EYS: variants seen among roughly 807,000 people sequenced by gnomAD.
EYS encodes the protein protein eyes shut homolog.
A neutral mutation model predicts 282.1 loss-of-function variants in EYS; 250 were observed. The ratio of observed to expected loss-of-function variants is 0.89; its 90% CI spans 0.80 to 0.98. EYS has a LOEUF of 0.98. EYS is among the 50% of genes least tolerant of loss of function. The pLI is 0.00. For synonymous variants in EYS, 1,355 were observed against 1,282.9 expected (o/e 1.06, Z -1.20); for missense variants, 4,016 against 3,709.0 (o/e 1.08, Z -2.15).
intron 22 of EYS, among the ~76,000 whole-genome samples, chr6:64,805,309 G>T (rs889529113): frequency 6.6e-6 from 1 of 151,884 alleles, no homozygotes; most frequent in African/African-American, 2.4e-5. Context: ...AACACTATTT[G>T]TGTTTGATAG....
chr6:64,143,433 G>A (rs865878645), intron 31 of EYS, among the ~76,000 whole-genome samples: 45 of 151,066 alleles, frequency 3.0e-4, no homozygotes, highest in African/African-American at 1.0e-3. Context: ...TGCATATGGA[G>A]GAATAAGAAG....
chr6:64,659,895 C>T (rs1278876305), intron 22 of EYS, among the ~76,000 whole-genome samples: 1 of 152,186 alleles, frequency 6.6e-6, no homozygotes, highest in African/African-American at 2.4e-5. Context: ...ATGAGGCCAG[C>T]ATCATCCTGA....
At chr6:65,068,143 A>G (rs1773800123) in intron 12 of EYS, among the ~76,000 whole-genome samples, 1 of 151,980 alleles carries the variant, frequency 6.6e-6, no homozygotes, top group African/African-American at 2.4e-5. Context: ...TGCCTGAGAG[A>G]TTTTTCAAAC....
intron 12 of EYS, among the ~76,000 whole-genome samples, chr6:65,115,633 T>C (rs1775347736): frequency 6.6e-6 from 1 of 152,108 alleles, no homozygotes; most frequent in Non-Finnish European, 1.5e-5. Flanking sequence ...CAATTAGAAA[T>C]AGTCTATTGA....
chr6:64,641,893 G>T (rs1023279), intron 22 of EYS, among the ~76,000 whole-genome samples: 2,162 of 152,058 alleles, frequency 0.014, 19 homozygotes, highest in Non-Finnish European at 0.023. Flanking sequence ...GATGATCTGA[G>T]GTAGAACAGT....
intron 30 of EYS, among the ~76,000 whole-genome samples, chr6:64,282,695 A>C (rs1244594309): frequency 1.3e-5 from 2 of 152,116 alleles, no homozygotes; most frequent in Non-Finnish European, 2.9e-5. Context: ...TTTTTTGGTA[A>C]ACCATAATAA....
At chr6:65,696,682 G>C (rs1040919468) in intron 1 of EYS, among the ~76,000 whole-genome samples, 1 of 151,906 alleles carries the variant, frequency 6.6e-6, no homozygotes, top group African/African-American at 2.4e-5. Context: ...GTAAGGTAAG[G>C]CGGTACTTGA....
chr6:63,970,810 A>G (rs1461212449), intron 35 of EYS, among the ~76,000 whole-genome samples: 1 of 152,164 alleles, frequency 6.6e-6, no homozygotes, highest in African/African-American at 2.4e-5. Flanking sequence ...ATTTTTATTT[A>G]AAAATGATGA....
chr6:65,690,224 G>A (rs1001115476), intron 1 of EYS, among the ~76,000 whole-genome samples: 1 of 150,106 alleles, frequency 6.7e-6, no homozygotes, highest in Non-Finnish European at 1.5e-5. Context: ...AGCAGTAACA[G>A]TTGCAGCAAA....
At chr6:64,010,393 T>TG (rs199583269) in intron 33 of EYS, among the ~76,000 whole-genome samples, 1,242 of 70,024 alleles carry the variant, frequency 0.018, 19 homozygotes, top group Middle Eastern at 0.046. Flanking sequence ...TGTGTTTGGT[T>TG]GGGGGGGGGG....
intron 5 of EYS, among the ~76,000 whole-genome samples, chr6:65,455,822 T>G (rs538787668): frequency 2.0e-5 from 3 of 152,100 alleles, no homozygotes; most frequent in Non-Finnish European, 4.4e-5. Context: ...TACCAAAAAT[T>G]TAAAGAAGAA....
chr6:65,006,410 G>GCAGCA (rs1771659302), intron 13 of EYS, among the ~76,000 whole-genome samples: 1 of 147,968 alleles, frequency 6.8e-6, no homozygotes, highest in Admixed American at 6.8e-5. Context: ...TCAGTCAGTC[G>GCAGCA]GTAGGGACAA....
At chr6:64,502,718 C>T (rs900339324) in intron 26 of EYS, among the ~76,000 whole-genome samples, 1 of 150,894 alleles carries the variant, frequency 6.6e-6, no homozygotes, top group Non-Finnish European at 1.5e-5. Context: ...TAATCTTGTG[C>T]TGGACTCCTG....
chr6:65,233,311 A>G (rs1411615994), intron 12 of EYS, among the ~76,000 whole-genome samples: 2 of 152,036 alleles, frequency 1.3e-5, no homozygotes, highest in African/African-American at 4.8e-5. Flanking sequence ...TACATTACCC[A>G]CCCCTCCATC....
chr6:63,955,154 CT>C (rs1765762298), intron 35 of EYS, among the ~76,000 whole-genome samples: 1 of 152,042 alleles, frequency 6.6e-6, no homozygotes, highest in Non-Finnish European at 1.5e-5. Context: ...CATTTCTTCC[CT>C]TCTGTCAAAC....
chr6:64,761,032 C>G (rs1253009544), intron 22 of EYS, among the ~76,000 whole-genome samples: 1 of 152,150 alleles, frequency 6.6e-6, no homozygotes, highest in African/African-American at 2.4e-5. Flanking sequence ...AGTGACTGAA[C>G]ATTTTTCTGT....
At chr6:64,375,806 A>C (rs1772543238) in intron 29 of EYS, among the ~76,000 whole-genome samples, 1 of 152,230 alleles carries the variant, frequency 6.6e-6, no homozygotes, top group African/African-American at 2.4e-5. Context: ...GATATATATG[A>C]AAGTTTAAAA....
chr6:64,699,262 G>T (rs1218616360), intron 22 of EYS, among the ~76,000 whole-genome samples: 2 of 152,020 alleles, frequency 1.3e-5, no homozygotes, highest in Non-Finnish European at 2.9e-5. Flanking sequence ...TTACAAGTGG[G>T]AATTAAATGA....
At chr6:65,515,406 A>G (rs1472153900) in intron 2 of EYS, among the ~76,000 whole-genome samples, 2 of 152,124 alleles carry the variant, frequency 1.3e-5, no homozygotes, top group African/African-American at 2.4e-5. Context: ...ATCTAGAACT[A>G]GAAATACCAT....
Sources: gnomAD v4.1 joint callset for allele counts (sites outside exome capture counted in the v4.1 genomes callset) on GRCh38, gnomAD v4.1.1 for gene constraint, MANE v1.5 for transcripts, NCBI Gene and HGNC (gene_info 2026-07-23, HGNC 2026-07-21) for gene names.